Variants in TLL2 observed in about 807,000 individuals in gnomAD.
TLL2 encodes tolloid-like protein 2.
In TLL2, 106 loss-of-function variants were observed where a neutral mutation model predicts 123.0. The observed-to-expected ratio is 0.86, with a 90% CI of 0.74 to 1.01. The LOEUF is 1.01. Among genes scored for constraint, TLL2 ranks in the 50% least tolerant of loss-of-function variants. The pLI is 0.00. For missense variants in TLL2, 1,332 were observed against 1,336.7 expected (o/e 1.00, Z 0.06); for synonymous variants, 494 against 516.8 (o/e 0.96, Z 0.60).
At chr10:96,470,378 C>T (rs1847167509) in intron 2 of TLL2, among the ~76,000 whole-genome samples, 1 of 152,254 alleles carries the variant, frequency 6.6e-6, no homozygotes, top group African/African-American at 2.4e-5. Context: ...CCACAGTTCA[C>T]ACGTGTTTGT....
intron 13 of TLL2, among the ~76,000 whole-genome samples, chr10:96,390,077 C>T (rs1156907692): frequency 6.6e-6 from 1 of 152,218 alleles, no homozygotes; most frequent in South Asian, 2.1e-4. Flanking sequence ...TCTGGGAGAG[C>T]GTGGCAGTAG....
intron 13 of TLL2, 51 bp downstream of exon 13, chr10:96,395,136 A>T: frequency 6.5e-7 from 1 of 1,527,808 alleles, no homozygotes. Flanking sequence ...GGCCAGGGGG[A>T]GCAATATTTC....
chr10:96,450,077 C>T (rs1338594396), intron 2 of TLL2, among the ~76,000 whole-genome samples: 1 of 151,928 alleles, frequency 6.6e-6, no homozygotes, highest in Non-Finnish European at 1.5e-5. Context: ...CAGCACCAGA[C>T]CTGGCACATG....
chr10:96,495,632 A>AGGG (rs1847465093), intron 1 of TLL2, among the ~76,000 whole-genome samples: 2 of 152,130 alleles, frequency 1.3e-5, no homozygotes, highest in African/African-American at 4.8e-5. Flanking sequence ...GAACTTTGAA[A>AGGG]CCATGACCCT....
intron 2 of TLL2, among the ~76,000 whole-genome samples, chr10:96,454,919 C>T (rs998698844): frequency 2.6e-5 from 4 of 152,174 alleles, no homozygotes; most frequent in Non-Finnish European, 4.4e-5. Context: ...CTCCTCAAAG[C>T]AGATTTAACA....
chr10:96,476,930 A>G (rs1847263267), intron 2 of TLL2, among the ~76,000 whole-genome samples: 1 of 151,488 alleles, frequency 6.6e-6, no homozygotes, highest in South Asian at 2.1e-4. Context: ...TGAGCACATT[A>G]AGTCTGGAAA....
At chr10:96,466,236 C>G (rs912763149) in intron 2 of TLL2, among the ~76,000 whole-genome samples, 7 of 152,176 alleles carry the variant, frequency 4.6e-5, no homozygotes, top group African/African-American at 1.7e-4. Context: ...GCCAGCTGGG[C>G]CTTTCCTCAG....
chr10:96,409,509 A>G (rs560202891), intron 9 of TLL2, among the ~76,000 whole-genome samples: 2 of 152,126 alleles, frequency 1.3e-5, no homozygotes, highest in Non-Finnish European at 2.9e-5. Context: ...GGAGAGCAAA[A>G]CCTCAGTTCT....
Position 96,367,432 on chromosome 10 carries a change from A to G in TLL2, c.*656T>C, listed in dbSNP as rs1214576671. 6.6e-6 allele frequency: 1 copy of G among 152,196 alleles called. No individual in the cohort carries two copies. Among genetic ancestry groups the G allele is most frequent in the Non-Finnish European group, 1.5e-5 (1 of 68,078 alleles). 9.4% of individuals were successfully genotyped at this position (152,196 alleles called of 1,614,324 possible). A position where few individuals can be genotyped will look rare whatever the true frequency, so the allele number is the denominator to read the frequency against. Reference sequence around the variant, plus strand: ...CCCCACTGCAATTAGGGAGGGGGGGAAACCAAAGGGACAAGGAGAGTGAAT... The same window carrying G: ...CCCCACTGCAATTAGGGAGGGGGGGGAACCAAAGGGACAAGGAGAGTGAAT... On this transcript the variant is annotated 3_prime_UTR_variant, in exon 21 of 21. Transcript: ENST00000357947.
intron 7 of TLL2, among the ~76,000 whole-genome samples, chr10:96,420,021 A>G (rs1846603810): frequency 6.6e-6 from 1 of 152,210 alleles, no homozygotes; most frequent in Admixed American, 6.5e-5. Flanking sequence ...CTTTCTAGCC[A>G]TATTTTTCCT....
Position 96,386,216 on chromosome 10 carries a change from C to A in TLL2, c.1853-1G>T. ...TTGGTAATGAAACCGCCACAGGCCA[C>A]TGCACGGGGGAAACAGAAACAGGAT... On this transcript the variant is annotated splice_acceptor_variant, in intron 14 of 20. Coordinates refer to ENST00000357947, the MANE Select transcript of TLL2 (RefSeq NM_012465.4). LOFTEE classifies it high-confidence loss of function. 1 of 1,580,288 alleles carries A rather than the reference C, an allele frequency of 6.3e-7. No individual in the cohort carries two copies. Among genetic ancestry groups the A allele is most frequent in the Non-Finnish European group, 8.6e-7 (1 of 1,162,722 alleles).
chr10:96,481,358 A>C lies in TLL2; in HGVS notation c.176-899T>G, dbSNP rs1375509892. Among the ~76,000 whole-genome samples, 3 of 152,124 alleles carry C rather than the reference A, an allele frequency of 2.0e-5. No homozygotes were observed. The East Asian group carries it at 5.8e-4, about 29-fold the overall frequency. ...CAGACAGGGTCTCGCTATGTTGTGCAGTCTCAAATAATTCTCCTGCCTCGG... is the reference window on the plus strand; with the variant it reads ...CAGACAGGGTCTCGCTATGTTGTGCCGTCTCAAATAATTCTCCTGCCTCGG... On this transcript the variant is annotated intron_variant, in intron 1 of 20. Transcript: ENST00000357947.
At chr10:96,497,657 T>G (rs1847490370) in intron 1 of TLL2, among the ~76,000 whole-genome samples, 1 of 152,202 alleles carries the variant, frequency 6.6e-6, no homozygotes, top group South Asian at 2.1e-4. Context: ...CTCCCTCCCC[T>G]GCCCCTCACC....
intron 2 of TLL2, among the ~76,000 whole-genome samples, chr10:96,471,640 G>A (rs1847185136): frequency 6.6e-6 from 1 of 152,140 alleles, no homozygotes; most frequent in Admixed American, 6.5e-5. Context: ...TGTGAGGCAG[G>A]TACTATTATT....
intron 2 of TLL2, among the ~76,000 whole-genome samples, chr10:96,454,278 C>G (rs1227110019): frequency 6.6e-6 from 1 of 152,202 alleles, no homozygotes; most frequent in East Asian, 1.9e-4. Flanking sequence ...TTCTGAGATC[C>G]CATCTCCCAT....
chr10:96,495,394 G>A (rs936324883), intron 1 of TLL2, among the ~76,000 whole-genome samples: 2 of 152,050 alleles, frequency 1.3e-5, no homozygotes, highest in Non-Finnish European at 2.9e-5. Flanking sequence ...AAACAGGGAG[G>A]GTTTTTTTAG....
intron 2 of TLL2, among the ~76,000 whole-genome samples, chr10:96,465,870 C>T (rs745801861): frequency 3.3e-5 from 5 of 152,180 alleles, no homozygotes; most frequent in African/African-American, 7.2e-5. Flanking sequence ...ATTACTGGAC[C>T]GGTGTGGCCA....
intron 3 of TLL2, among the ~76,000 whole-genome samples, chr10:96,437,331 C>T (rs1307738608): frequency 6.6e-6 from 1 of 152,154 alleles, no homozygotes; most frequent in Non-Finnish European, 1.5e-5. Flanking sequence ...TGCAAAACTA[C>T]AGTACAATAA....
intron 2 of TLL2, among the ~76,000 whole-genome samples, chr10:96,476,248 T>TTTTTGTTGTTGTTGTTGTTGTTG (rs1285354320): frequency 1.4e-5 from 1 of 69,230 alleles, no homozygotes; most frequent in African/African-American, 6.2e-5. Flanking sequence ...ATATTTTATT[T>TTTTTGTTGTTGTTGTTGTTGTTG]TTGTTGTTGT....
Sources: gnomAD v4.1 joint callset for allele counts (sites outside exome capture counted in the v4.1 genomes callset) on GRCh38, gnomAD v4.1.1 for gene constraint, MANE v1.5 for transcripts, NCBI Gene and HGNC (gene_info 2026-07-23, HGNC 2026-07-21) for gene names.